Variants in CCDC158 observed in about 807,000 individuals in gnomAD.
CCDC158 encodes coiled-coil domain-containing protein 158.
Under a neutral mutation model 138.6 loss-of-function variants are expected in CCDC158, and 116 were observed. The observed-to-expected ratio is 0.84, with a 90% CI of 0.72 to 0.98. The LOEUF is 0.98. Among genes scored for constraint, CCDC158 ranks in the 50% least tolerant of loss-of-function variants. The probability of loss-of-function intolerance (pLI) is 0.00; values close to 1 mark genes in which losing one functional copy is unlikely to be tolerated. For missense variants in CCDC158, 1,265 were observed against 1,306.1 expected (o/e 0.97, Z 0.48); for synonymous variants, 436 against 442.4 (o/e 0.99, Z 0.18).
chr4:76,358,987 T>G (rs1291050540), intron 13 of CCDC158, among the ~76,000 whole-genome samples: 1 of 152,216 alleles, frequency 6.6e-6, no homozygotes, highest in Admixed American at 6.5e-5. Flanking sequence ...AGGAGGGGCT[T>G]CGTGGGAGGT....
chr4:76,415,674 C>T lies in CCDC158; in HGVS notation c.-116-3542G>A, dbSNP rs191418219. ...CAATCATAACCTAGGAAAAACCAGGCCATACAGAGATAGGAGCTGAGGGGA... is the reference window on the plus strand; with the variant it reads ...CAATCATAACCTAGGAAAAACCAGGTCATACAGAGATAGGAGCTGAGGGGA... On this transcript the variant is annotated intron_variant, in intron 1 of 24. Coordinates refer to ENST00000682701, the MANE Select transcript of CCDC158 (RefSeq NM_001394954.1). 1.6e-3 allele frequency among the ~76,000 whole-genome samples: 236 copies of T among 152,194 alleles called. 4 individuals are homozygous for T. In the East Asian group the frequency reaches 0.024, roughly 16 times the overall value.
At chr4:76,338,831 C>G (rs1387937397) in intron 18 of CCDC158, among the ~76,000 whole-genome samples, 1 of 152,140 alleles carries the variant, frequency 6.6e-6, no homozygotes, top group Admixed American at 6.5e-5. Flanking sequence ...GGTAAGCCCA[C>G]AAGAGAACCC....
intron 10 of CCDC158, among the ~76,000 whole-genome samples, chr4:76,371,203 T>G (rs1725202820): frequency 1.3e-5 from 2 of 152,212 alleles, no homozygotes; most frequent in African/African-American, 2.4e-5. Context: ...CTCCTTCACC[T>G]AATACTGTAA....
At chr4:76,421,186 C>G (rs1338796828), upstream of CCDC158, among the ~76,000 whole-genome samples, 1 of 151,916 alleles carries the variant, frequency 6.6e-6, no homozygotes, top group Non-Finnish European at 1.5e-5. Flanking sequence ...CGGGGCGCTG[C>G]CCAGTCCGCG....
chr4:76,390,797 A>G (rs539087222), intron 4 of CCDC158, among the ~76,000 whole-genome samples: 2 of 152,124 alleles, frequency 1.3e-5, no homozygotes, highest in Non-Finnish European at 2.9e-5. Flanking sequence ...AAGATATTCC[A>G]TGCCAATGGA....
At chr4:76,324,104 T>C (rs1202543087) in intron 23 of CCDC158, among the ~76,000 whole-genome samples, 1 of 152,152 alleles carries the variant, frequency 6.6e-6, no homozygotes, top group Non-Finnish European at 1.5e-5. Context: ...AATTTTCTTA[T>C]CAAAAAATAC....
At chr4:76,356,964 A>G (rs1723631004) in intron 14 of CCDC158, among the ~76,000 whole-genome samples, 1 of 152,212 alleles carries the variant, frequency 6.6e-6, no homozygotes, top group African/African-American at 2.4e-5. Context: ...TCCCATTTTT[A>G]TCACGGTGAA....
At chr4:76,379,125 TATAA>T (rs529428923) in intron 9 of CCDC158, among the ~76,000 whole-genome samples, 161 bp downstream of exon 9, 119 of 152,344 alleles carry the variant, frequency 7.8e-4, no homozygotes, top group Non-Finnish European at 1.5e-3. Context: ...AAAAATAGTT[TATAA>T]ATAGTTTAAA....
At chr4:76,321,559 TATAG>T (rs953374905) in intron 24 of CCDC158, among the ~76,000 whole-genome samples, 1 of 148,744 alleles carries the variant, frequency 6.7e-6, no homozygotes, top group Non-Finnish European at 1.5e-5. Context: ...TATCTATATA[TATAG>T]AGAGACTATT....
At position 76,367,429 on chromosome 4, in the gene CCDC158, C is replaced by T. The variant is rs758596093; in HGVS notation, c.1695G>A (p.Glu565=). The change falls in exon 12 of 25, where the codon GAG becomes GAA. Residue 565 remains glutamate, a synonymous_variant. Coordinates refer to ENST00000682701, the MANE Select transcript of CCDC158 (RefSeq NM_001394954.1). ...LQMTEKDKVI[E]ILRQQIENMT... ...TGTTCTCAATCTGCTGTCGCAGAAT[C>T]TCGATCACCTTGTCCTTCTCTGTCA... 3.7e-6 allele frequency: 6 copies of T among 1,614,138 alleles called. No individual in the cohort carries two copies. The highest frequency in any genetic ancestry group is 3.3e-5 in the Admixed American group (2 of 60,010).
chr4:76,409,721 T>C (rs1009907153), intron 2 of CCDC158, among the ~76,000 whole-genome samples: 12 of 151,770 alleles, frequency 7.9e-5, no homozygotes, highest in African/African-American at 2.9e-4. Context: ...TTCCCAGCTA[T>C]TCGGGAGGCT....
chr4:76,364,519 T>C (rs890665611), intron 12 of CCDC158, among the ~76,000 whole-genome samples: 3 of 151,870 alleles, frequency 2.0e-5, no homozygotes, highest in African/African-American at 4.9e-5. Context: ...TGATCTGTTG[T>C]ATTGATTATA....
chr4:76,323,373 G>A lies in CCDC158; in HGVS notation c.3206C>T (p.Thr1069Ile). The change falls in exon 24 of 25, where the codon ACA becomes ATA. Residue 1069 changes from threonine (T) to isoleucine (I), a missense_variant. Transcript: ENST00000682701. ...QSPPIETTGK[T>I]CRKLQNRLES... ...TAGTCTGTTCTGAAGCTTCCTGCAT[G>A]TTTTTCCTGTTGTTTCTATTGGCGG... is the stretch of plus-strand genomic sequence containing the variant. 2 of 1,611,906 alleles carry A rather than the reference G, an allele frequency of 1.2e-6. No homozygotes were observed. The highest frequency in any genetic ancestry group is 8.5e-7 in the Non-Finnish European group (1 of 1,179,012).
chr4:76,355,877 C>G (rs1723513035), intron 14 of CCDC158, among the ~76,000 whole-genome samples: 1 of 149,370 alleles, frequency 6.7e-6, no homozygotes, highest in Non-Finnish European at 1.5e-5. Context: ...TGTATTATTA[C>G]TAAAATGATT....
At chr4:76,377,387 A>G (rs1400311339) in intron 9 of CCDC158, among the ~76,000 whole-genome samples, 1 of 152,206 alleles carries the variant, frequency 6.6e-6, no homozygotes, top group Non-Finnish European at 1.5e-5. Flanking sequence ...ATGCATTATT[A>G]TATTGGACTG....
At chr4:76,358,401 T>C (rs1723790977) in intron 13 of CCDC158, among the ~76,000 whole-genome samples, 1 of 152,186 alleles carries the variant, frequency 6.6e-6, no homozygotes, top group Non-Finnish European at 1.5e-5. Flanking sequence ...TGGTCTGCTT[T>C]TCTTTTCTCT....
chr4:76,382,470 G>A (rs1212255149), intron 8 of CCDC158, 140 bp downstream of exon 8: 1 of 610,030 alleles, frequency 1.6e-6, no homozygotes, highest in Admixed American at 2.9e-5. Flanking sequence ...AATACTTCCT[G>A]TTCATTTAAA....
At chr4:76,347,372 C>T (rs555923797) in intron 18 of CCDC158, among the ~76,000 whole-genome samples, 1 of 152,046 alleles carries the variant, frequency 6.6e-6, no homozygotes, top group African/African-American at 2.4e-5. Flanking sequence ...GAACACTATG[C>T]AGCCATAAAA....
intron 2 of CCDC158, among the ~76,000 whole-genome samples, chr4:76,409,553 C>T (rs72657838): frequency 0.065 from 9,881 of 152,162 alleles, 458 homozygotes; most frequent in Non-Finnish European, 0.097. Context: ...GTATCTAGGC[C>T]GGGAGCAGTG....
Sources: gnomAD v4.1 joint callset for allele counts (sites outside exome capture counted in the v4.1 genomes callset) on GRCh38, gnomAD v4.1.1 for gene constraint, MANE v1.5 for transcripts, NCBI Gene and HGNC (gene_info 2026-07-23, HGNC 2026-07-21) for gene names.